Variants in CHD9 observed in about 807,000 individuals in gnomAD.
CHD9 encodes the protein ATP-dependent chromatin remodeler CHD9.
In CHD9, 77 loss-of-function variants were observed where a neutral mutation model predicts 316.1. The observed-to-expected ratio is 0.24, with a 90% CI of 0.20 to 0.29. The LOEUF (loss-of-function observed/expected upper bound fraction) is 0.29. Ranked by LOEUF, CHD9 falls within the 10% of genes least tolerant of loss-of-function variation. The pLI, the probability that CHD9 is intolerant of heterozygous loss-of-function variation, is 1.00. For missense variants in CHD9, 2,763 were observed against 3,438.1 expected (o/e 0.80, Z 4.91); for synonymous variants, 1,129 against 1,158.3 (o/e 0.97, Z 0.51).
At chr16:53,128,938 G>GGTT (rs1207915454) in intron 1 of CHD9, among the ~76,000 whole-genome samples, 1 of 152,180 alleles carries the variant, frequency 6.6e-6, no homozygotes, top group Non-Finnish European at 1.5e-5. Flanking sequence ...TAGGAAAGAA[G>GGTT]GTTGTTAGGT....
intron 37 of CHD9, chr16:53,319,864 A>G (rs2057145363): frequency 2.4e-6 from 3 of 1,244,250 alleles, no homozygotes; most frequent in Non-Finnish European, 3.1e-6. Context: ...CTAAATCCCC[A>G]TAAACCCCCA....
chr16:53,056,636 G>T (rs1259653503), intron 1 of CHD9, among the ~76,000 whole-genome samples: 1 of 152,214 alleles, frequency 6.6e-6, no homozygotes, highest in Non-Finnish European at 1.5e-5. Flanking sequence ...CAGCGTGCAC[G>T]GGGCAGGCGC....
chr16:53,235,255 G>A lies in CHD9; in HGVS notation c.2582G>A (p.Arg861Lys). ...SRDYKNGNQL[R>K]EYQLEGLNWL... is the part of the protein sequence containing the mutation. ...GACTATAAAAATGGCAATCAACTCAGGGAATATCAACTGGAAGGACTCAAC... is the reference window on the plus strand; with the variant it reads ...GACTATAAAAATGGCAATCAACTCAAGGAATATCAACTGGAAGGACTCAAC... The change falls in exon 11 of 39, where the codon AGG becomes AAG. Residue 861 changes from arginine to lysine, a missense_variant. Physicochemically the swap from Arg to Lys is conservative, Grantham distance 26 (BLOSUM62 2). Transcript: ENST00000447540. 1 of 1,548,790 alleles carries A rather than the reference G, an allele frequency of 6.5e-7. No homozygotes were observed. Among genetic ancestry groups the A allele is most frequent in the Non-Finnish European group, 8.7e-7 (1 of 1,143,920 alleles).
Position 53,170,045 on chromosome 16 carries a change from TTTTGTTTTTTTTTG to T in CHD9, c.1452+12519_1452+12532del, listed in dbSNP as rs1359480777. Among the ~76,000 whole-genome samples, 318 of 148,396 alleles carry T rather than the reference TTTTGTTTTTTTTTG, an allele frequency of 2.1e-3. 2 individuals carry two copies. Among genetic ancestry groups the T allele is most frequent in the African/African-American group, 8.1e-3 (312 of 38,684 alleles). On this transcript the variant is annotated intron_variant, in intron 2 of 38. Transcript: ENST00000447540. ...TCATAATTCAGGTTAAGCAGTTTTT[TTTTGTTTTTTTTTG>T]TTTGTTTTTTTTTGGTGAGAATGCT...
intron 1 of CHD9, among the ~76,000 whole-genome samples, chr16:53,123,966 T>C (rs777232898): frequency 6.6e-6 from 1 of 152,302 alleles, no homozygotes; most frequent in South Asian, 2.1e-4. Context: ...CATTCCAGTT[T>C]GTGTATATGC....
At chr16:53,305,303 C>T (rs180792408) in intron 31 of CHD9, among the ~76,000 whole-genome samples, 125 of 150,606 alleles carry the variant, frequency 8.3e-4, no homozygotes, top group Admixed American at 6.5e-3. Flanking sequence ...TTAGGTGATC[C>T]GCCCGCCTTA....
At chr16:53,057,678 G>T (rs193028853) in intron 1 of CHD9, among the ~76,000 whole-genome samples, 24 of 151,820 alleles carry the variant, frequency 1.6e-4, no homozygotes, top group African/African-American at 5.3e-4. Flanking sequence ...AAAGAAAAAA[G>T]AAAAATAATG....
chr16:53,135,172 G>C (rs987067017), intron 1 of CHD9, among the ~76,000 whole-genome samples: 9 of 152,148 alleles, frequency 5.9e-5, no homozygotes, highest in African/African-American at 1.9e-4. Context: ...TGAAAGAAAT[G>C]AAAAGTTCAG....
intron 3 of CHD9, among the ~76,000 whole-genome samples, chr16:53,217,752 A>G (rs760199096): frequency 1.3e-5 from 2 of 152,048 alleles, no homozygotes; most frequent in South Asian, 2.1e-4. Context: ...CTCTAGATAG[A>G]TAGATCATTT....
At chr16:53,197,710 G>A in intron 2 of CHD9, among the ~76,000 whole-genome samples, 1 of 148,040 alleles carries the variant, frequency 6.8e-6, no homozygotes, top group Admixed American at 6.8e-5. Context: ...AGACTGTAGT[G>A]CAGTGGTGCG....
At chr16:53,206,372 AAAC>A (rs201932848) in intron 2 of CHD9, among the ~76,000 whole-genome samples, 77 of 140,860 alleles carry the variant, frequency 5.5e-4, no homozygotes, top group African/African-American at 8.6e-4. Flanking sequence ...AAAAAAAAAA[AAAC>A]CATCCTAGCC....
At chr16:53,197,687 C>T (rs1431727452) in intron 2 of CHD9, among the ~76,000 whole-genome samples, 9 of 146,864 alleles carry the variant, frequency 6.1e-5, no homozygotes, top group East Asian at 2.0e-4. Context: ...GATGGAGTCT[C>T]GCTGTATCAC....
intron 20 of CHD9, among the ~76,000 whole-genome samples, chr16:53,264,411 ACTGT>A (rs1190471915): frequency 1.3e-5 from 2 of 152,088 alleles, no homozygotes; most frequent in African/African-American, 4.8e-5. Flanking sequence ...GTACATTCAT[ACTGT>A]CTAATGCAAT....
intron 2 of CHD9, among the ~76,000 whole-genome samples, chr16:53,205,775 A>G (rs535772090): frequency 6.6e-6 from 1 of 152,250 alleles, no homozygotes; most frequent in Non-Finnish European, 1.5e-5. Flanking sequence ...TATAAGGGTA[A>G]TGGAAGAAAA....
chr16:53,057,325 C>T (rs1461421922), intron 1 of CHD9, among the ~76,000 whole-genome samples: 2 of 148,394 alleles, frequency 1.3e-5, no homozygotes, highest in Non-Finnish European at 3.0e-5. Flanking sequence ...CCAGCCTGGA[C>T]AGCATAGAGA....
chr16:53,138,233 T>G (rs2039862052), intron 1 of CHD9, among the ~76,000 whole-genome samples: 1 of 152,200 alleles, frequency 6.6e-6, no homozygotes, highest in Non-Finnish European at 1.5e-5. Context: ...AGTGGGAAAT[T>G]GGGCTTTATA....
chr16:53,149,153 A>G (rs886579437), intron 1 of CHD9, among the ~76,000 whole-genome samples: 6 of 152,170 alleles, frequency 3.9e-5, no homozygotes, highest in African/African-American at 1.4e-4. Flanking sequence ...AAAATGTTTT[A>G]AGAATTGTTT....
At chr16:53,268,569 A>T (rs1043329653) in intron 22 of CHD9, among the ~76,000 whole-genome samples, 10 of 152,198 alleles carry the variant, frequency 6.6e-5, no homozygotes, top group African/African-American at 2.4e-4. Context: ...TCACTAAAGT[A>T]GATATCAAGA....
At position 53,307,670 on chromosome 16, in the gene CHD9, C is replaced by T. The variant is rs780646414; in HGVS notation, c.6781-11C>T. On this transcript the variant is annotated splice_polypyrimidine_tract_variant and intron_variant, in intron 32 of 38. Transcript: ENST00000447540. Reference sequence around the variant, plus strand: ...ATTAAAATTACACTTTGATGTTGCACGCTTTTCTAGGATCGTGTGATGATC... The same window carrying T: ...ATTAAAATTACACTTTGATGTTGCATGCTTTTCTAGGATCGTGTGATGATC... The T allele has an allele frequency of 6.3e-6, 10 of 1,587,348 alleles. No individual in the cohort carries two copies. The highest frequency in any genetic ancestry group is 5.4e-5 in the Admixed American group (3 of 55,622).
Sources: allele counts gnomAD v4.1 joint callset (sites outside exome capture counted in the v4.1 genomes callset), GRCh38; gene constraint gnomAD v4.1.1; transcripts MANE v1.5; gene names NCBI Gene and HGNC (gene_info 2026-07-23, HGNC 2026-07-21).